Variants in CHFR observed in about 807,000 individuals in gnomAD.
CHFR encodes the protein checkpoint with forkhead and ring finger domains.
In CHFR, 57 loss-of-function variants were observed where a neutral mutation model predicts 87.6. That is an observed-to-expected ratio of 0.65 (90% CI 0.53 to 0.81). The LOEUF is 0.81. Among genes scored for constraint, CHFR ranks in the 30% least tolerant of loss-of-function variants. The pLI is 0.00. For synonymous variants in CHFR, 381 were observed against 359.2 expected, an observed-to-expected ratio of 1.06 and a Z score of -0.69; for missense variants, 797 against 865.8, an observed-to-expected ratio of 0.92 and a Z score of 1.00.
chr12:132,872,474 A>G lies in CHFR; in HGVS notation c.234-80T>C. On this transcript the variant is annotated intron_variant, in intron 3 of 17. Coordinates refer to ENST00000450056, the MANE Select transcript of CHFR (RefSeq NM_001161346.2). ...GATTTTTTTTCTAGCACCATTAGCA[A>G]GCAGCTCGATATGACCACTCTGGAA... is the stretch of plus-strand genomic sequence containing the variant. The G allele has an allele frequency of 1.1e-5, 10 of 935,924 alleles. No homozygotes were observed. In the South Asian group the frequency reaches 1.4e-4, roughly 13 times the overall value. The allele number at this position is 935,924 out of a possible 1,614,324, so 58.0% of individuals were successfully genotyped here.
chr12:132,876,115 G>A (rs1039684494), intron 3 of CHFR, among the ~76,000 whole-genome samples: 5 of 151,476 alleles, frequency 3.3e-5, no homozygotes, highest in South Asian at 2.1e-4. Flanking sequence ...GTCGGAGGTC[G>A]CAGTGAGCCG....
chr12:132,845,457 CA>C lies in CHFR; in HGVS notation c.1736-1324del, dbSNP rs745511558. On this transcript the variant is annotated intron_variant, in intron 15 of 17. Transcript: ENST00000450056. ...TGGGTGACACAGCAAGATTCCATCT[CA>C]AAAAAAAAAATAAATAAATAAATAA... Among the ~76,000 whole-genome samples, 3 of 124,110 alleles carry C rather than the reference CA, an allele frequency of 2.4e-5. No individual in the cohort carries two copies. The Admixed American group carries it at 2.7e-4, about 11-fold the overall frequency. 81.4% of individuals were successfully genotyped at this position (124,110 alleles called of 152,430 possible). A position where few individuals can be genotyped will look rare whatever the true frequency, so the allele number is the denominator to read the frequency against.
At chr12:132,859,253 T>C in intron 7 of CHFR, 26 bp from the exon 8 acceptor site, 2 of 1,595,792 alleles carry the variant, frequency 1.3e-6, no homozygotes, top group Non-Finnish European at 1.7e-6. Context: ...ATGTGTTCTG[T>C]CGTAACCAAG....
intron 3 of CHFR, among the ~76,000 whole-genome samples, chr12:132,877,078 A>G (rs545900025): frequency 6.6e-6 from 1 of 152,254 alleles, no homozygotes; most frequent in Admixed American, 6.5e-5. Flanking sequence ...TACAGGTGTG[A>G]GCCACCGCGC....
chr12:132,863,131 C>T (rs1400597382), intron 6 of CHFR, among the ~76,000 whole-genome samples: 3 of 149,876 alleles, frequency 2.0e-5, no homozygotes, highest in Non-Finnish European at 4.5e-5. Context: ...CTCCTGACCT[C>T]GTGATCCACC....
intron 2 of CHFR, chr12:132,882,885 T>C (rs1043893432): frequency 2.0e-5 from 3 of 152,036 alleles, no homozygotes; most frequent in South Asian, 2.1e-4. Flanking sequence ...TTTTAAGTTT[T>C]TGTAGATACA....
At position 132,846,923 on chromosome 12, in the gene CHFR, A is replaced by T. The variant is rs945323243; in HGVS notation, c.1735+120T>A. On this transcript the variant is annotated intron_variant, in intron 15 of 17. Transcript: ENST00000450056. Reference sequence around the variant, plus strand: ...ACAAAAACAACCTGAAAGCATCAGGATCTTTTTCCTCTCTTCCAGGGTGGG... The same window carrying T: ...ACAAAAACAACCTGAAAGCATCAGGTTCTTTTTCCTCTCTTCCAGGGTGGG... The T allele has an allele frequency of 1.5e-5, 11 of 727,792 alleles. No homozygotes were observed. In the African/African-American group the frequency reaches 2.0e-4, roughly 13 times the overall value. The allele number at this position is 727,792 out of a possible 1,614,324, so 45.1% of individuals were successfully genotyped here.
Position 132,847,139 on chromosome 12 carries a change from CAA to C in CHFR, c.1648-11_1648-10del. ...CTGGTTGCCAGGTAATTCTGTGACG[CAA>C]AAAAAGAGAGGAATAAGAAATACTC... is the stretch of plus-strand genomic sequence containing the variant. On this transcript the variant is annotated splice_polypyrimidine_tract_variant and intron_variant, in intron 14 of 17. Coordinates refer to ENST00000450056, the MANE Select transcript of CHFR (RefSeq NM_001161346.2). The C allele has an allele frequency of 6.2e-7, 1 of 1,605,556 alleles. No homozygotes were observed. The highest frequency in any genetic ancestry group is 1.1e-5 in the South Asian group (1 of 89,924).
In CHFR at chr12:132,838,370, G is replaced by A. The variant is rs1950663787; in HGVS notation, c.*3184C>T. On this transcript the variant is annotated 3_prime_UTR_variant, in exon 18 of 18. Coordinates refer to ENST00000450056, the MANE Select transcript of CHFR (RefSeq NM_001161346.2). ...TGCCCAGACTTCCTGGCTGCAGTCAGAAGCTATGACAGAGGCCATCCCAGA... is the reference window on the plus strand; with the variant it reads ...TGCCCAGACTTCCTGGCTGCAGTCAAAAGCTATGACAGAGGCCATCCCAGA... The A allele has an allele frequency of 6.6e-6, 1 of 152,348 alleles. No homozygotes were observed. Among genetic ancestry groups the A allele is most frequent in the Non-Finnish European group, 1.5e-5 (1 of 68,112 alleles). 9.4% of individuals were successfully genotyped at this position (152,348 alleles called of 1,614,324 possible).
chr12:132,861,936 T>C (rs777309303), intron 6 of CHFR: 3 of 355,194 alleles, frequency 8.4e-6, no homozygotes, highest in South Asian at 7.1e-5. Flanking sequence ...CAAACCCACA[T>C]ACCCGTGGTC....
intron 3 of CHFR, among the ~76,000 whole-genome samples, chr12:132,872,991 T>G (rs1427744382): frequency 6.6e-6 from 1 of 152,084 alleles, no homozygotes; most frequent in African/African-American, 2.4e-5. Context: ...GAGGCTAAGT[T>G]GATGGGGCAG....
At chr12:132,864,794 AT>A (rs529824378) in intron 6 of CHFR, among the ~76,000 whole-genome samples, 144 of 151,328 alleles carry the variant, frequency 9.5e-4, no homozygotes, top group African/African-American at 3.1e-3. Context: ...GGCCAGAAGA[AT>A]TTTTTTTTTA....
rs545523118 is a variant in CHFR at position 132,862,075 on chromosome 12, C to T, written c.584-441G>A. ...ATCACCTGAGGTCAGGAGGTCGAGA[C>T]CAGCCTGGCCAACATGGTGAAACCC... On this transcript the variant is annotated intron_variant, in intron 6 of 17. Coordinates refer to ENST00000450056, the MANE Select transcript of CHFR (RefSeq NM_001161346.2). 2.0e-5 allele frequency among the ~76,000 whole-genome samples: 3 copies of T among 152,242 alleles called. 1 individual carries two copies. Among genetic ancestry groups the T allele is most frequent in the African/African-American group, 7.2e-5 (3 of 41,554 alleles).
At chr12:132,862,071 G>C (rs1449221200) in intron 6 of CHFR, among the ~76,000 whole-genome samples, 1 of 152,056 alleles carries the variant, frequency 6.6e-6, no homozygotes, top group African/African-American at 2.4e-5. Context: ...TCAGGAGGTC[G>C]AGACCAGCCT....
intron 6 of CHFR, among the ~76,000 whole-genome samples, chr12:132,869,350 T>G (rs1467775112): frequency 1.3e-5 from 2 of 152,078 alleles, no homozygotes; most frequent in Non-Finnish European, 2.9e-5. Flanking sequence ...TCCACTGAAA[T>G]GTACACTTCG....
intron 15 of CHFR, among the ~76,000 whole-genome samples, chr12:132,846,126 T>C (rs1268429454): frequency 6.6e-6 from 1 of 152,160 alleles, no homozygotes; most frequent in Non-Finnish European, 1.5e-5. Flanking sequence ...AGTCCTGTAA[T>C]GATGGTCTCA....
Position 132,839,797 on chromosome 12 carries a change from C to T in CHFR, c.*1757G>A. On this transcript the variant is annotated 3_prime_UTR_variant, in exon 18 of 18. Coordinates refer to ENST00000450056, the MANE Select transcript of CHFR (RefSeq NM_001161346.2). Reference sequence around the variant, plus strand: ...CTCCCTTCTCGGCCTCACCCCTGCACTAACTAGGGACCTCCCCTCTCAGCC... The same window carrying T: ...CTCCCTTCTCGGCCTCACCCCTGCATTAACTAGGGACCTCCCCTCTCAGCC... 5.6e-6 allele frequency: 1 copy of T among 178,226 alleles called. No homozygotes were observed. The highest frequency in any genetic ancestry group is 2.0e-4 in the East Asian group (1 of 5,054). The allele number at this position is 178,226 out of a possible 1,614,324, so 11.0% of individuals were successfully genotyped here.
chr12:132,887,385 G>A (rs1205720246), intron 1 of CHFR, 45 bp from the exon 2 acceptor site: 6 of 1,236,930 alleles, frequency 4.9e-6, no homozygotes, highest in Non-Finnish European at 6.1e-6. Context: ...CGACCCCAGA[G>A]GCCGAGACTC....
At chr12:132,869,875 TCAAG>T (rs1424590192) in intron 5 of CHFR, 77 bp from the exon 6 acceptor site, 1 of 1,484,076 alleles carries the variant, frequency 6.7e-7, no homozygotes, top group South Asian at 1.2e-5. Flanking sequence ...CAACCAGGGC[TCAAG>T]CAGACACTCT....
Sources: allele counts gnomAD v4.1 joint callset (sites outside exome capture counted in the v4.1 genomes callset), GRCh38; gene constraint gnomAD v4.1.1; transcripts MANE v1.5; gene names NCBI Gene and HGNC (gene_info 2026-07-23, HGNC 2026-07-21).